The following SNX5 variants were observed in gnomAD, a reference collection of about 807,000 sequenced individuals.
SNX5 encodes sorting nexin-5.
Under a neutral mutation model 53.9 loss-of-function variants are expected in SNX5, and 31 were observed. The observed-to-expected ratio is 0.58, with a 90% CI of 0.43 to 0.78. The LOEUF is 0.78. Ranked by LOEUF, SNX5 falls within the 30% of genes least tolerant of loss-of-function variation. SNX5 has a pLI of 0.00. For missense variants in SNX5, 471 were observed against 478.8 expected (o/e 0.98, Z 0.15); for synonymous variants, 168 against 171.1 (o/e 0.98, Z 0.14).
intron 1 of SNX5, among the ~76,000 whole-genome samples, chr20:17,964,653 T>C (rs191671987): frequency 2.7e-3 from 415 of 152,332 alleles, no homozygotes; most frequent in Non-Finnish European, 4.5e-3. Flanking sequence ...TTGGGATCAT[T>C]AAAAGTTAGA....
At chr20:17,956,846 C>A in intron 2 of SNX5, 87 bp downstream of exon 2, 1 of 772,092 alleles carries the variant, frequency 1.3e-6, no homozygotes, top group South Asian at 1.4e-5. Flanking sequence ...GCAACTGTTT[C>A]AAGCTCAGGG....
intron 1 of SNX5, among the ~76,000 whole-genome samples, chr20:17,965,762 G>A (rs565584686): frequency 1.3e-5 from 2 of 152,018 alleles, no homozygotes; most frequent in South Asian, 2.1e-4. Context: ...TCACAAATGG[G>A]GATCTTAAGA....
At chr20:17,958,126 A>C (rs922391024) in intron 1 of SNX5, among the ~76,000 whole-genome samples, 1 of 152,108 alleles carries the variant, frequency 6.6e-6, no homozygotes, top group African/African-American at 2.4e-5. Context: ...CAATCTGAAA[A>C]CCTGACACAC....
At chr20:17,944,378 T>C (rs1006305738) in intron 11 of SNX5, 2 of 152,374 alleles carry the variant, frequency 1.3e-5, no homozygotes, top group Middle Eastern at 3.4e-3. Flanking sequence ...TTTCACATTA[T>C]GTACCTGCAA....
At chr20:17,948,092 G>C (rs554705337) in intron 10 of SNX5, among the ~76,000 whole-genome samples, 1 of 152,304 alleles carries the variant, frequency 6.6e-6, no homozygotes, top group South Asian at 2.1e-4. Context: ...CACTTAGTCA[G>C]ATATAAAGAT....
At chr20:17,944,766 C>G (rs1467155361) in intron 11 of SNX5, 1 of 152,210 alleles carries the variant, frequency 6.6e-6, no homozygotes, top group Non-Finnish European at 1.5e-5. Flanking sequence ...AGGATGGTCT[C>G]GATCTCCTGA....
chr20:17,942,710 T>C, intron 12 of SNX5: 1 of 430,350 alleles, frequency 2.3e-6, no homozygotes, highest in East Asian at 4.4e-5. Context: ...CTTAAGACAC[T>C]ATCAGTGCGT....
Position 17,950,207 on chromosome 20 carries a change from T to A in SNX5, c.716A>T (p.Asn239Ile), listed in dbSNP as rs775544916. The A allele has an allele frequency of 6.2e-7, 1 of 1,614,170 alleles. No individual in the cohort carries two copies. The change falls in exon 8 of 13, where the codon AAT becomes ATT. Residue 239 changes from asparagine (N) to isoleucine (I), a missense_variant and splice_region_variant. Asn to Ile is a moderately radical substitution (Grantham distance 149). Transcript: ENST00000377759. ...KADKMTRSHK[N>I]VADDYIHTAA... The stretch of plus-strand genomic sequence containing the variant: ...GGTGTGGATATAGTCATCGGCAACA[T>A]CTGCAGAAACAAGGACAAGTCTTTT...
chr20:17,957,108 T>A, intron 1 of SNX5, 71 bp from the exon 2 acceptor site: 1 of 927,238 alleles, frequency 1.1e-6, no homozygotes, highest in Non-Finnish European at 1.8e-6. Context: ...AAATGAGTAG[T>A]TACTAAAAAG....
chr20:17,961,149 A>C, intron 1 of SNX5: 1 of 985,476 alleles, frequency 1.0e-6, no homozygotes, highest in Non-Finnish European at 1.2e-6. Flanking sequence ...CCTATTCATC[A>C]GCTTCCCAGC....
intron 11 of SNX5, chr20:17,943,425 C>T (rs1302728768): frequency 3.9e-5 from 19 of 485,418 alleles, no homozygotes; most frequent in South Asian, 4.5e-5. Context: ...CACCAAGCAT[C>T]GTGAGTGGGA....
chr20:17,942,569 A>C, intron 12 of SNX5, 162 bp from the exon 13 acceptor site: 1 of 636,684 alleles, frequency 1.6e-6, no homozygotes, highest in South Asian at 1.9e-5. Flanking sequence ...GCAACGTACC[A>C]CGCATCCCCA....
chr20:17,955,259 A>C, intron 3 of SNX5, 106 bp downstream of exon 3: 1 of 744,832 alleles, frequency 1.3e-6, no homozygotes, highest in African/African-American at 1.8e-5. Flanking sequence ...GGTAGATGAA[A>C]TCTAACTTTT....
chr20:17,951,435 G>T, intron 6 of SNX5, 65 bp downstream of exon 6: 1 of 915,526 alleles, frequency 1.1e-6, no homozygotes, highest in Non-Finnish European at 1.8e-6. Context: ...CTCTTTCAAA[G>T]AAACAAAAGG....
At position 17,956,975 on chromosome 20, in the gene SNX5, C is replaced by T. The variant is rs1254857964; in HGVS notation, c.114G>A (p.Ala38=). The T allele has an allele frequency of 2.1e-5, 34 of 1,607,830 alleles. No individual in the cohort carries two copies. Among genetic ancestry groups the T allele is most frequent in the Non-Finnish European group, 2.8e-5 (33 of 1,174,700 alleles). ...DPSLQIDIPD[A]LSERDKVKFT... ...ATTTGACTTTGTCTCTCTCACTGAG[C>T]GCATCAGGTATGTCAATCTGAAGCG... is the stretch of plus-strand genomic sequence containing the variant. Residue 38 remains alanine, a synonymous_variant, in exon 2 of 13, where the codon GCG becomes GCA. Transcript: ENST00000377759.
rs919593780 is a variant in SNX5, at chr20:17,950,036, G to A, written c.791+96C>T. The A allele has an allele frequency of 9.7e-5, 99 of 1,016,280 alleles. No homozygotes were observed. In the African/African-American group the frequency reaches 1.4e-3, roughly 15 times the overall value. The allele number at this position is 1,016,280 out of a possible 1,614,324, so 63.0% of individuals were successfully genotyped here. On this transcript the variant is annotated intron_variant, in intron 8 of 12. Coordinates refer to ENST00000377759, the MANE Select transcript of SNX5 (RefSeq NM_014426.4). ...GTCTTACTGAGCTTGTAACTCCAGA[G>A]CAGGACCATGTAGTCACTACTCATT... is the stretch of plus-strand genomic sequence containing the variant.
Position 17,955,369 on chromosome 20 carries a change from A to C in SNX5, c.263T>G (p.Leu88Arg). The C allele has an allele frequency of 1.2e-6, 2 of 1,607,516 alleles. No individual in the cohort carries two copies. Among genetic ancestry groups the C allele is most frequent in the Non-Finnish European group, 1.7e-6 (2 of 1,174,968 alleles). Reference sequence around the variant, plus strand: ...TTGATTTTCTAAAAGACTCACAATAAGCCCAGCATAGTCTGTTGTTTCAAT... The same window carrying C: ...TTGATTTTCTAAAAGACTCACAATACGCCCAGCATAGTCTGTTGTTTCAAT... ...TLIETTDYAG[L>R]IIPPAPTKPD... is the part of the protein sequence containing the mutation. Residue 88 changes from leucine to arginine, a missense_variant, in exon 3 of 13, where the codon CTT becomes CGT. Coordinates refer to ENST00000377759, the MANE Select transcript of SNX5 (RefSeq NM_014426.4).
At chr20:17,951,070 G>A (rs927779007) in intron 6 of SNX5, 5 of 160,328 alleles carry the variant, frequency 3.1e-5, no homozygotes, top group African/African-American at 4.8e-5. Context: ...TTGTGCTAAC[G>A]CCTTGAAATC....
chr20:17,959,595 ACTGT>A (rs1469119033), intron 1 of SNX5, among the ~76,000 whole-genome samples: 5 of 152,168 alleles, frequency 3.3e-5, no homozygotes, highest in Admixed American at 2.0e-4. Context: ...GCCTTAAAGA[ACTGT>A]CTAAAAGAGA....
Sources: gnomAD v4.1 joint callset for allele counts (sites outside exome capture counted in the v4.1 genomes callset) on GRCh38, gnomAD v4.1.1 for gene constraint, MANE v1.5 for transcripts, NCBI Gene and HGNC (gene_info 2026-07-23, HGNC 2026-07-21) for gene names.